ERG: variants seen among roughly 807,000 people sequenced by gnomAD.
The protein encoded by ERG is transcriptional regulator ERG.
Under a neutral mutation model 55.3 loss-of-function variants are expected in ERG, and 9 were observed. The ratio of observed to expected loss-of-function variants is 0.16; its 90% CI spans 0.10 to 0.28. The LOEUF (loss-of-function observed/expected upper bound fraction) is 0.28, where lower values mean the gene tolerates loss of function less well. ERG is among the 10% of genes least tolerant of loss of function. The probability of loss-of-function intolerance (pLI) is 1.00; values close to 1 mark genes in which losing one functional copy is unlikely to be tolerated. For synonymous variants in ERG, 223 were observed against 237.3 expected (o/e 0.94, Z 0.55); for missense variants, 434 against 631.6 (o/e 0.69, Z 3.35).
chr21:38,579,716 A>G (rs1174416372), intron 1 of ERG, among the ~76,000 whole-genome samples: 25 of 152,200 alleles, frequency 1.6e-4, no homozygotes, highest in Non-Finnish European at 4.4e-5. Flanking sequence ...GCGTGATGGC[A>G]CTGCCACCCT....
chr21:38,519,923 G>A (rs1482007479), intron 2 of ERG, among the ~76,000 whole-genome samples: 2 of 151,794 alleles, frequency 1.3e-5, no homozygotes, highest in African/African-American at 4.8e-5. Flanking sequence ...TCCAAACAAG[G>A]GAAACTCAGC....
chr21:38,488,123 C>T (rs532703598), intron 1 of ERG, among the ~76,000 whole-genome samples: 19 of 152,236 alleles, frequency 1.2e-4, no homozygotes, highest in Non-Finnish European at 2.5e-4. Context: ...TGCACTGTCC[C>T]AGACTTCCTG....
intron 1 of ERG, chr21:38,471,284 C>G (rs779557500): frequency 8.6e-5 from 13 of 152,022 alleles, no homozygotes; most frequent in Non-Finnish European, 1.3e-4. Flanking sequence ...TTTGGGAATA[C>G]GTGGGGTGAC....
chr21:38,489,960 A>G (rs1195280553), intron 1 of ERG, among the ~76,000 whole-genome samples: 1 of 152,250 alleles, frequency 6.6e-6, no homozygotes, highest in East Asian at 1.9e-4. Context: ...TGAGAGAGAA[A>G]GAGTATGGAA....
Position 38,382,397 on chromosome 21 carries a change from C to T in ERG, c.*1006G>A, listed in dbSNP as rs1987486704. 2 of 1,060,596 alleles carry T rather than the reference C, an allele frequency of 1.9e-6. No individual in the cohort carries two copies. Among genetic ancestry groups the T allele is most frequent in the African/African-American group, 3.3e-5 (2 of 60,950 alleles). 65.7% of individuals were successfully genotyped at this position (1,060,596 alleles called of 1,614,324 possible). ...GACCCTGTGGAGAACAAAGCCCCCA[C>T]ATAATGATGAGGTCCTGAATGTTTC... On this transcript the variant is annotated 3_prime_UTR_variant, in exon 10 of 10. Transcript: ENST00000288319.
chr21:38,601,440 T>C (rs8133374), intron 1 of ERG, among the ~76,000 whole-genome samples: 13,303 of 152,016 alleles, frequency 0.088, 1,174 homozygotes, highest in African/African-American at 0.23. Flanking sequence ...AAAAAAATCA[T>C]ACAGAGAAAT....
chr21:38,523,981 G>A (rs1042252739), intron 2 of ERG, among the ~76,000 whole-genome samples: 1 of 152,212 alleles, frequency 6.6e-6, no homozygotes, highest in Non-Finnish European at 1.5e-5. Flanking sequence ...GGTGTTCAAG[G>A]ATTTGGAATC....
At chr21:38,487,497 T>C (rs1283164150) in intron 1 of ERG, among the ~76,000 whole-genome samples, 1 of 151,982 alleles carries the variant, frequency 6.6e-6, no homozygotes, top group Non-Finnish European at 1.5e-5. Flanking sequence ...GCAAGGGAGA[T>C]TTTCAGAGAG....
At chr21:38,584,307 C>A (rs1445556639) in intron 1 of ERG, among the ~76,000 whole-genome samples, 1 of 152,216 alleles carries the variant, frequency 6.6e-6, no homozygotes, top group East Asian at 1.9e-4. Flanking sequence ...CTGACCCTCT[C>A]CTTCTTCAAC....
intron 1 of ERG, among the ~76,000 whole-genome samples, chr21:38,608,989 A>T (rs1212358781): frequency 1.3e-5 from 2 of 152,242 alleles, no homozygotes; most frequent in East Asian, 1.9e-4. Context: ...GTGATACTAC[A>T]GTCAAACAGA....
At chr21:38,561,422 A>G (rs1431296510) in intron 2 of ERG, among the ~76,000 whole-genome samples, 3 of 151,726 alleles carry the variant, frequency 2.0e-5, no homozygotes, top group African/African-American at 4.8e-5. Flanking sequence ...CACTTTTGTA[A>G]CACACAATGA....
the ERG span, among the ~76,000 whole-genome samples, chr21:38,373,492 C>T: frequency 1.3e-5 from 2 of 152,174 alleles, no homozygotes; most frequent in South Asian, 4.1e-4. Flanking sequence ...AAACCAACTG[C>T]CTGGCTTCCT....
At chr21:38,578,345 T>C (rs2060007750) in intron 1 of ERG, among the ~76,000 whole-genome samples, 1 of 152,214 alleles carries the variant, frequency 6.6e-6, no homozygotes, top group Non-Finnish European at 1.5e-5. Context: ...TGTTTCACTG[T>C]CACTATGGAT....
intron 1 of ERG, among the ~76,000 whole-genome samples, chr21:38,458,380 C>T (rs1024281362): frequency 2.2e-4 from 33 of 148,180 alleles, no homozygotes; most frequent in Non-Finnish European, 3.4e-4. Flanking sequence ...GCTGAGGTTG[C>T]GCCACTGCAC....
At chr21:38,561,455 C>CTTT (rs770497839) in intron 2 of ERG, among the ~76,000 whole-genome samples, 1 of 135,730 alleles carries the variant, frequency 7.4e-6, no homozygotes, top group African/African-American at 2.7e-5. Flanking sequence ...CTACACAATC[C>CTTT]TTTTTTTTTT....
chr21:38,517,093 G>A (rs1220927211), intron 2 of ERG, among the ~76,000 whole-genome samples: 2 of 151,944 alleles, frequency 1.3e-5, no homozygotes, highest in African/African-American at 4.8e-5. Context: ...GCACAGGCAA[G>A]AGAAAACAGA....
At chr21:38,516,379 G>A (rs1352497979) in intron 2 of ERG, among the ~76,000 whole-genome samples, 1 of 151,322 alleles carries the variant, frequency 6.6e-6, no homozygotes, top group Non-Finnish European at 1.5e-5. Flanking sequence ...TAGGTATAAG[G>A]AAAAAATATC....
chr21:38,531,485 C>T (rs879789849), intron 2 of ERG, among the ~76,000 whole-genome samples: 1 of 151,886 alleles, frequency 6.6e-6, no homozygotes. Context: ...TTCTCAGACT[C>T]GCCAGAGGCA....
At chr21:38,416,323 C>G (rs1989280266) in intron 3 of ERG, among the ~76,000 whole-genome samples, 1 of 152,206 alleles carries the variant, frequency 6.6e-6, no homozygotes, top group African/African-American at 2.4e-5. Context: ...GCCCCAGTGG[C>G]CCCAAAAGGG....
Sources: gnomAD v4.1 joint callset for allele counts (sites outside exome capture counted in the v4.1 genomes callset) on GRCh38, gnomAD v4.1.1 for gene constraint, MANE v1.5 for transcripts, NCBI Gene and HGNC (gene_info 2026-07-23, HGNC 2026-07-21) for gene names.